Variants in NRXN1 observed in about 807,000 individuals in gnomAD.
NRXN1 encodes the protein neurexin-1.
Under a neutral mutation model 150.9 loss-of-function variants are expected in NRXN1, and 39 were observed. The observed-to-expected ratio is 0.26, with a 90% CI of 0.20 to 0.34. The LOEUF is 0.34. Among genes scored for constraint, NRXN1 ranks in the 10% least tolerant of loss-of-function variants. The probability of loss-of-function intolerance (pLI) is 1.00; values close to 1 mark genes in which losing one functional copy is unlikely to be tolerated. For missense variants in NRXN1, 1,815 were observed against 1,949.9 expected (o/e 0.93, Z 1.30); for synonymous variants, 924 against 757.0 (o/e 1.22, Z -3.62).
chr2:50,819,742 C>T (rs2105817072), intron 5 of NRXN1, among the ~76,000 whole-genome samples: 1 of 151,900 alleles, frequency 6.6e-6, no homozygotes, highest in African/African-American at 2.4e-5. Context: ...ATTTTTAGAG[C>T]AGTGATTATT....
intron 18 of NRXN1, among the ~76,000 whole-genome samples, chr2:50,112,742 TA>T (rs1702543905): frequency 6.6e-6 from 1 of 152,086 alleles, no homozygotes; most frequent in Admixed American, 6.5e-5. Context: ...AAATGCAGCA[TA>T]AAATTCATAC....
At chr2:50,326,910 C>A (rs1276449051) in intron 17 of NRXN1, among the ~76,000 whole-genome samples, 1 of 152,040 alleles carries the variant, frequency 6.6e-6, no homozygotes, top group Non-Finnish European at 1.5e-5. Flanking sequence ...ACTGACAATA[C>A]TAAGTGTAAA....
intron 19 of NRXN1, among the ~76,000 whole-genome samples, chr2:50,085,499 T>G (rs1698652324): frequency 6.6e-6 from 1 of 152,166 alleles, no homozygotes; most frequent in African/African-American, 2.4e-5. Context: ...TTAACAAACT[T>G]TTTCTCCCAA....
chr2:50,017,207 G>A (rs1420037777), intron 21 of NRXN1, among the ~76,000 whole-genome samples: 1 of 152,150 alleles, frequency 6.6e-6, no homozygotes, highest in African/African-American at 2.4e-5. Context: ...GATGTGATAT[G>A]AATGGGAAGC....
chr2:50,748,251 C>T (rs1192799353), intron 5 of NRXN1, among the ~76,000 whole-genome samples: 1 of 152,162 alleles, frequency 6.6e-6, no homozygotes, highest in East Asian at 1.9e-4. Context: ...AGAAAGACTG[C>T]ACCCAACCGT....
intron 5 of NRXN1, among the ~76,000 whole-genome samples, chr2:50,908,539 C>T (rs1029043829): frequency 3.3e-5 from 5 of 151,908 alleles, no homozygotes; most frequent in Admixed American, 3.3e-4. Flanking sequence ...ACAATTAGAG[C>T]ATGCCAAGAT....
At chr2:50,376,749 T>C (rs897931090) in intron 17 of NRXN1, among the ~76,000 whole-genome samples, 4 of 152,134 alleles carry the variant, frequency 2.6e-5, no homozygotes, top group African/African-American at 2.4e-5. Flanking sequence ...TTAGGCTCTG[T>C]AGAGTCAGAG....
intron 18 of NRXN1, among the ~76,000 whole-genome samples, chr2:50,212,348 A>T (rs2063090713): frequency 6.6e-6 from 1 of 151,252 alleles, no homozygotes; most frequent in Non-Finnish European, 1.5e-5. Context: ...CAACACTTTA[A>T]TTCCACAGAT....
rs549164572 is a variant in NRXN1 at position 49,967,055 on chromosome 2, T to C, written c.4129-23264A>G. ...TTGGTGGATTCTCTTAGGCAATTGA[T>C]CGAACCCAGTGATAAATTTCCCAAA... is the stretch of plus-strand genomic sequence containing the variant. On this transcript the variant is annotated intron_variant, in intron 21 of 22. Transcript: ENST00000401669. Among the ~76,000 whole-genome samples, 115 of 152,216 alleles carry C rather than the reference T, an allele frequency of 7.6e-4. No homozygotes were observed. The South Asian group carries it at 0.013, about 17-fold the overall frequency.
chr2:50,321,045 G>A (rs1355896103), intron 17 of NRXN1, among the ~76,000 whole-genome samples: 2 of 152,172 alleles, frequency 1.3e-5, no homozygotes, highest in South Asian at 2.1e-4. Context: ...CAACTGGAAA[G>A]CTGAGGAAGC....
intron 21 of NRXN1, among the ~76,000 whole-genome samples, chr2:49,991,784 C>T (rs1343883175): frequency 6.6e-6 from 1 of 152,072 alleles, no homozygotes; most frequent in Non-Finnish European, 1.5e-5. Flanking sequence ...GAATGGCTAA[C>T]AAAATATTGA....
chr2:50,143,793 T>G (rs898307484), intron 18 of NRXN1, among the ~76,000 whole-genome samples: 16 of 151,870 alleles, frequency 1.1e-4, no homozygotes, highest in Non-Finnish European at 2.4e-4. Context: ...TCCCCATACT[T>G]TAGGGTGCAC....
At chr2:50,900,844 G>A (rs1682836635) in intron 5 of NRXN1, among the ~76,000 whole-genome samples, 1 of 152,144 alleles carries the variant, frequency 6.6e-6, no homozygotes, top group Non-Finnish European at 1.5e-5. Flanking sequence ...GCGCTACCTG[G>A]ATTAGACTGA....
intron 2 of NRXN1, among the ~76,000 whole-genome samples, chr2:50,944,190 T>A (rs964367452): frequency 6.6e-6 from 1 of 152,202 alleles, no homozygotes; most frequent in African/African-American, 2.4e-5. Flanking sequence ...CCAATTGTTG[T>A]GCAAAAATAA....
At chr2:50,785,519 A>G (rs932950746) in intron 5 of NRXN1, among the ~76,000 whole-genome samples, 1 of 152,080 alleles carries the variant, frequency 6.6e-6, no homozygotes, top group Non-Finnish European at 1.5e-5. Context: ...AAGTGCTGGG[A>G]TTACAGGCAT....
chr2:50,376,493 G>A (rs2080507610), intron 17 of NRXN1, among the ~76,000 whole-genome samples: 1 of 152,126 alleles, frequency 6.6e-6, no homozygotes. Context: ...AATTGTGGGT[G>A]TACTGGGTTT....
Position 50,054,967 on chromosome 2 carries a change from G to A in NRXN1, c.3796C>T (p.Leu1266=). ...YRLGRVVDEW[L]LDKGRQLTIF... is the part of the protein sequence containing the mutation. ...CAATGTTTTTTACCTTTGTCGAGTA[G>A]CCATTCATCAACTACTCGACCAAGT... is the stretch of plus-strand genomic sequence containing the variant. The change falls in exon 20 of 23, where the codon CTA becomes TTA. Residue 1266 remains leucine (L), a synonymous_variant. Coordinates refer to ENST00000401669, the MANE Select transcript of NRXN1 (RefSeq NM_001330078.2). 6.4e-7 allele frequency: 1 copy of A among 1,573,544 alleles called. No homozygotes were observed. Among genetic ancestry groups the A allele is most frequent in the Non-Finnish European group, 8.6e-7 (1 of 1,161,810 alleles).
chr2:50,528,757 A>C, intron 11 of NRXN1, 106 bp from the exon 12 acceptor site: 1 of 660,110 alleles, frequency 1.5e-6, no homozygotes, highest in Non-Finnish European at 2.7e-6. Flanking sequence ...GACACATGCA[A>C]ATATGGCCAC....
chr2:50,411,439 G>A (rs1211731736), intron 17 of NRXN1, among the ~76,000 whole-genome samples: 1 of 152,010 alleles, frequency 6.6e-6, no homozygotes, highest in Non-Finnish European at 1.5e-5. Flanking sequence ...GCCTCTGCCC[G>A]GCCACCACCC....
Sources: gnomAD v4.1 joint callset for allele counts (sites outside exome capture counted in the v4.1 genomes callset) on GRCh38, gnomAD v4.1.1 for gene constraint, MANE v1.5 for transcripts, NCBI Gene and HGNC (gene_info 2026-07-23, HGNC 2026-07-21) for gene names.